SFMBT2: variants seen among roughly 807,000 people sequenced by gnomAD.
SFMBT2 encodes the protein scm-like with four MBT domains protein 2.
SFMBT2 carries 38 observed loss-of-function variants against 110.1 expected under a neutral mutation model. The observed-to-expected ratio is 0.35, with a 90% confidence interval of 0.27 to 0.45. The LOEUF is 0.45. Among genes scored for constraint, SFMBT2 ranks in the 20% least tolerant of loss-of-function variants. SFMBT2 has a pLI of 1.00. For missense variants in SFMBT2, 1,011 were observed against 1,094.9 expected (o/e 0.92, Z 1.08); for synonymous variants, 425 against 425.4 (o/e 1.00, Z 0.01).
chr10:7,200,402 G>A lies in SFMBT2; in HGVS notation c.1558+12C>T. On this transcript the variant is annotated intron_variant, in intron 14 of 20. Transcript: ENST00000397167. ...GGGAAGGCACAGAGACCCCCTAAAT[G>A]GGACTGATTACCTGTGGTGTCCAGG... 6.3e-7 allele frequency: 1 copy of A among 1,582,224 alleles called. No individual in the cohort carries two copies. The highest frequency in any genetic ancestry group is 8.6e-7 in the Non-Finnish European group (1 of 1,163,768).
chr10:7,349,407 C>T (rs964380426), intron 4 of SFMBT2, among the ~76,000 whole-genome samples: 1 of 134,352 alleles, frequency 7.4e-6, no homozygotes. Context: ...GATCCTCTCA[C>T]TTTCAAGCCC....
chr10:7,227,492 T>C (rs564088079), intron 10 of SFMBT2, among the ~76,000 whole-genome samples: 1 of 152,320 alleles, frequency 6.6e-6, no homozygotes, highest in East Asian at 1.9e-4. Flanking sequence ...GGCTGCAGTA[T>C]TTAGAACTAG....
At chr10:7,380,598 C>G (rs1845391626) in intron 2 of SFMBT2, among the ~76,000 whole-genome samples, 1 of 152,040 alleles carries the variant, frequency 6.6e-6, no homozygotes, top group African/African-American at 2.4e-5. Flanking sequence ...ATGTTTACAA[C>G]TCAGAGGACT....
chr10:7,248,406 G>A, intron 8 of SFMBT2, 142 bp downstream of exon 8: 1 of 660,874 alleles, frequency 1.5e-6, no homozygotes, highest in Non-Finnish European at 2.6e-6. Flanking sequence ...CGCTGGACTG[G>A]AAGGGCGGCA....
At chr10:7,233,388 C>CA (rs905999068) in intron 9 of SFMBT2, among the ~76,000 whole-genome samples, 1 of 152,160 alleles carries the variant, frequency 6.6e-6, no homozygotes, top group Non-Finnish European at 1.5e-5. Flanking sequence ...GAGGGACACT[C>CA]AGAGAGTGAG....
intron 7 of SFMBT2, among the ~76,000 whole-genome samples, chr10:7,273,566 C>T (rs988533474): frequency 1.3e-5 from 2 of 152,070 alleles, no homozygotes; most frequent in Non-Finnish European, 1.5e-5. Context: ...GTTGGTGTAC[C>T]GCACCCATTA....
chr10:7,362,782 C>G (rs574682039), intron 4 of SFMBT2, among the ~76,000 whole-genome samples: 2 of 152,348 alleles, frequency 1.3e-5, no homozygotes, highest in East Asian at 3.9e-4. Flanking sequence ...CAGGCATACA[C>G]CGTAACTTGC....
rs1049590317 is a variant in SFMBT2 at position 7,408,936 on chromosome 10, C to G, written c.-52+1925G>C. On this transcript the variant is annotated intron_variant, in intron 1 of 20. Coordinates refer to ENST00000397167, the MANE Select transcript of SFMBT2 (RefSeq NM_001387889.1). The surrounding 1 kb of genome is among the most constrained non-coding windows in gnomAD (Gnocchi z 5.7). Reference sequence around the variant, plus strand: ...CCCTCTCCGATGCGCCGAGAGGGTTCCTAAGCCGAGCAAGGGACAATTTCT... The same window carrying G: ...CCCTCTCCGATGCGCCGAGAGGGTTGCTAAGCCGAGCAAGGGACAATTTCT... Among the ~76,000 whole-genome samples the G allele has an allele frequency of 6.6e-6, 1 of 152,144 alleles. No homozygotes were observed. Among genetic ancestry groups the G allele is most frequent in the African/African-American group, 2.4e-5 (1 of 41,418 alleles).
intron 2 of SFMBT2, among the ~76,000 whole-genome samples, chr10:7,373,610 C>A (rs1845119446): frequency 1.3e-5 from 2 of 152,150 alleles, no homozygotes; most frequent in African/African-American, 4.8e-5. Flanking sequence ...CCTTCTCCCA[C>A]CTGTATCATG....
chr10:7,211,886 G>C (rs1839361174), intron 11 of SFMBT2, among the ~76,000 whole-genome samples: 1 of 152,120 alleles, frequency 6.6e-6, no homozygotes, highest in Non-Finnish European at 1.5e-5. Context: ...CTAAACATAT[G>C]AGGTGGGCTC....
intron 4 of SFMBT2, among the ~76,000 whole-genome samples, chr10:7,310,138 T>C (rs1842809069): frequency 6.6e-6 from 1 of 152,196 alleles, no homozygotes; most frequent in South Asian, 2.1e-4. Flanking sequence ...AACCACTGGT[T>C]TAGAGAGAGC....
intron 11 of SFMBT2, chr10:7,207,610 A>G (rs1588338966): frequency 9.1e-6 from 9 of 984,404 alleles, no homozygotes; most frequent in Non-Finnish European, 1.1e-5. Context: ...AAGTCATCTC[A>G]TAACATCTGA....
At chr10:7,410,500 G>A (rs530645240) in intron 1 of SFMBT2, among the ~76,000 whole-genome samples, 3 of 152,200 alleles carry the variant, frequency 2.0e-5, no homozygotes, top group Non-Finnish European at 4.4e-5. Context: ...GGGGAAGGAG[G>A]ACACTTTGCA....
intron 4 of SFMBT2, among the ~76,000 whole-genome samples, chr10:7,359,629 A>G (rs925744113): frequency 1.3e-5 from 2 of 152,202 alleles, no homozygotes. Flanking sequence ...AGCGCAGAAA[A>G]ACCCAAATAG....
intron 15 of SFMBT2, among the ~76,000 whole-genome samples, chr10:7,194,080 A>G (rs1838692883): frequency 6.6e-6 from 1 of 152,148 alleles, no homozygotes. Flanking sequence ...GGCATCCTGT[A>G]AAAGGCCCAG....
At chr10:7,234,333 A>C (rs1003407592) in intron 9 of SFMBT2, among the ~76,000 whole-genome samples, 2 of 152,222 alleles carry the variant, frequency 1.3e-5, no homozygotes, top group Admixed American at 1.3e-4. Context: ...CATCTTGGTC[A>C]TGGTATGACA....
chr10:7,309,533 G>A (rs562319361), intron 4 of SFMBT2, among the ~76,000 whole-genome samples: 2 of 152,320 alleles, frequency 1.3e-5, no homozygotes, highest in East Asian at 3.9e-4. Flanking sequence ...GCTGGCACAT[G>A]GAACGGGGGT....
At chr10:7,255,517 C>T (rs989539468) in intron 7 of SFMBT2, among the ~76,000 whole-genome samples, 3 of 152,222 alleles carry the variant, frequency 2.0e-5, no homozygotes, top group Non-Finnish European at 2.9e-5. Flanking sequence ...CATCTACATT[C>T]ATCACTACCC....
intron 4 of SFMBT2, among the ~76,000 whole-genome samples, chr10:7,357,053 T>G (rs1310725770): frequency 6.6e-6 from 1 of 152,238 alleles, no homozygotes; most frequent in Non-Finnish European, 1.5e-5. Context: ...CAGAGCTTTC[T>G]GTTAAGGGCA....
Sources: allele counts gnomAD v4.1 joint callset (sites outside exome capture counted in the v4.1 genomes callset), GRCh38; gene constraint gnomAD v4.1.1; non-coding constraint Gnocchi (gnomAD v3.1); transcripts MANE v1.5; gene names NCBI Gene and HGNC (gene_info 2026-07-23, HGNC 2026-07-21).